STPG2: variants seen among roughly 807,000 people sequenced by gnomAD.
The protein encoded by STPG2 is sperm-tail PG-rich repeat-containing protein 2.
A neutral mutation model predicts 54.2 loss-of-function variants in STPG2; 56 were observed. That is an observed-to-expected ratio of 1.03 (90% CI 0.83 to 1.29). The LOEUF (loss-of-function observed/expected upper bound fraction) is 1.29, where lower values mean the gene tolerates loss of function less well. Among genes scored for constraint, STPG2 ranks in the 50% most tolerant of loss-of-function variants. The probability of loss-of-function intolerance (pLI) is 0.00; values close to 1 mark genes in which losing one functional copy is unlikely to be tolerated. For missense variants in STPG2, 596 were observed against 544.9 expected (o/e 1.09, Z -0.93); for synonymous variants, 200 against 181.8 (o/e 1.10, Z -0.81).
chr4:97,622,589 AC>A (rs1166476220), intron 10 of STPG2, among the ~76,000 whole-genome samples: 1 of 152,172 alleles, frequency 6.6e-6, no homozygotes, highest in African/African-American at 2.4e-5. Flanking sequence ...AACAAGAATT[AC>A]AAAACACTGC....
chr4:97,454,499 G>A (rs1233509679), intron 4 of STPG2, among the ~76,000 whole-genome samples: 7 of 121,302 alleles, frequency 5.8e-5, no homozygotes, highest in Non-Finnish European at 3.3e-5. Context: ...CGGCCTGGGC[G>A]ACAGAGCGAG....
At chr4:98,085,514 CCATAAA>C (rs1738478776) in intron 5 of STPG2, among the ~76,000 whole-genome samples, 1 of 152,064 alleles carries the variant, frequency 6.6e-6, no homozygotes, top group South Asian at 2.1e-4. Flanking sequence ...ATCTTTCAAT[CCATAAA>C]CATATGGCAT....
chr4:97,561,777 TA>T (rs1732255187), intron 10 of STPG2, among the ~76,000 whole-genome samples: 1 of 152,208 alleles, frequency 6.6e-6, no homozygotes, highest in Non-Finnish European at 1.5e-5. Context: ...TTCTGGGGGC[TA>T]AGTTCTGTTC....
At chr4:97,807,443 C>T (rs555448790) in intron 9 of STPG2, among the ~76,000 whole-genome samples, 41 of 151,948 alleles carry the variant, frequency 2.7e-4, no homozygotes, top group South Asian at 1.9e-3. Context: ...ACAACAGATT[C>T]CCAGTTGAAC....
chr4:97,861,904 A>C (rs1260239779), intron 8 of STPG2, among the ~76,000 whole-genome samples: 1 of 152,098 alleles, frequency 6.6e-6, no homozygotes, highest in Non-Finnish European at 1.5e-5. Flanking sequence ...GCCTGCCCTA[A>C]AAGAGCTCCT....
chr4:97,508,166 A>G (rs1730892963), intron 4 of STPG2, among the ~76,000 whole-genome samples: 1 of 152,102 alleles, frequency 6.6e-6, no homozygotes, highest in Admixed American at 6.6e-5. Flanking sequence ...TTATTATGCC[A>G]TAGTAACCAA....
chr4:97,578,392 C>T (rs1259194448), intron 10 of STPG2, among the ~76,000 whole-genome samples: 1 of 152,060 alleles, frequency 6.6e-6, no homozygotes, highest in African/African-American at 2.4e-5. Context: ...ATGTAGCCAA[C>T]TGAGACAGAA....
At chr4:97,716,270 C>T (rs1301747248) in intron 9 of STPG2, among the ~76,000 whole-genome samples, 2 of 152,040 alleles carry the variant, frequency 1.3e-5, no homozygotes, top group African/African-American at 4.8e-5. Context: ...TTAGTTCAAC[C>T]ATTGTGGAAG....
At chr4:97,878,072 C>T (rs1400290164) in intron 8 of STPG2, among the ~76,000 whole-genome samples, 1 of 152,184 alleles carries the variant, frequency 6.6e-6, no homozygotes, top group Admixed American at 6.5e-5. Context: ...AAAATGATCT[C>T]CTTTGACTCC....
At chr4:97,693,439 C>T (rs893687145) in intron 10 of STPG2, among the ~76,000 whole-genome samples, 20 of 152,064 alleles carry the variant, frequency 1.3e-4, no homozygotes, top group African/African-American at 2.2e-4. Context: ...AAAAGACATA[C>T]GGAAATTGTA....
chr4:97,903,374 T>C (rs1351339811), intron 8 of STPG2, among the ~76,000 whole-genome samples: 5 of 151,874 alleles, frequency 3.3e-5, no homozygotes, highest in African/African-American at 9.7e-5. Flanking sequence ...TCAATTACAC[T>C]TCATTATAGC....
intron 7 of STPG2, among the ~76,000 whole-genome samples, chr4:97,950,410 G>T (rs914114652): frequency 6.6e-6 from 1 of 151,938 alleles, no homozygotes; most frequent in Non-Finnish European, 1.5e-5. Context: ...ACCACATTTT[G>T]TAATTCCCTA....
Position 97,694,812 on chromosome 4 carries a change from C to CAAA in STPG2, c.1320+17884_1320+17886dup, listed in dbSNP as rs70953083. On this transcript the variant is annotated intron_variant, in intron 10 of 10. Transcript: ENST00000295268. ...TGGGTTACAGAGCAAGACTCTGTCACAAAAAAAAAAAAAAAAAAAAAAAAA... is the reference window on the plus strand; with the variant it reads ...TGGGTTACAGAGCAAGACTCTGTCACAAAAAAAAAAAAAAAAAAAAAAAAAAAA... Among the ~76,000 whole-genome samples the CAAA allele has an allele frequency of 1.1e-4, 5 of 44,044 alleles. 1 individual carries two copies. Among genetic ancestry groups the CAAA allele is most frequent in the Non-Finnish European group, 2.1e-4 (5 of 23,456 alleles). The allele number at this position is 44,044 out of a possible 152,430, so 28.9% of individuals were successfully genotyped here.
At chr4:97,857,479 T>A (rs2149136810) in intron 8 of STPG2, among the ~76,000 whole-genome samples, 1 of 152,322 alleles carries the variant, frequency 6.6e-6, no homozygotes. Context: ...AATGATTGTT[T>A]ATATTTTGTG....
chr4:97,529,624 G>A (rs915097095), intron 4 of STPG2, among the ~76,000 whole-genome samples: 1 of 152,242 alleles, frequency 6.6e-6, no homozygotes, highest in East Asian at 1.9e-4. Context: ...GGCTTTTCTG[G>A]TTGGTAGGCT....
chr4:98,049,618 C>A (rs1329076089), intron 5 of STPG2, among the ~76,000 whole-genome samples: 1 of 152,086 alleles, frequency 6.6e-6, no homozygotes, highest in Non-Finnish European at 1.5e-5. Context: ...TTTTGAAAAG[C>A]AATAAATTTT....
At chr4:97,864,601 T>C (rs1001709785) in intron 8 of STPG2, among the ~76,000 whole-genome samples, 2 of 151,836 alleles carry the variant, frequency 1.3e-5, no homozygotes, top group African/African-American at 2.4e-5. Context: ...CTTTAAAGTT[T>C]ATATGGAATC....
rs183612733 is a variant in STPG2 at position 97,930,190 on chromosome 4, C to T, written c.1044+13707G>A. Among the ~76,000 whole-genome samples the T allele has an allele frequency of 2.0e-4, 31 of 152,296 alleles. No individual in the cohort carries two copies. In the East Asian group the frequency reaches 5.0e-3, roughly 25 times the overall value. ...GGGATTACAGGCATGAGCCACCATG[C>T]CCAGCCCAATTTTTACTTTTGTTGC... On this transcript the variant is annotated intron_variant, in intron 8 of 10. Transcript: ENST00000295268.
rs868424774 is a variant in STPG2, at chr4:97,780,751, C to T, written c.1204+60022G>A. On this transcript the variant is annotated intron_variant, in intron 9 of 10. Coordinates refer to ENST00000295268, the MANE Select transcript of STPG2 (RefSeq NM_174952.3). ...ACTGTCTCTCAGACCACAGTGCAATCAAACTAGAACTCAGGATTAAGAAAC... is the reference window on the plus strand; with the variant it reads ...ACTGTCTCTCAGACCACAGTGCAATTAAACTAGAACTCAGGATTAAGAAAC... Among the ~76,000 whole-genome samples the T allele has an allele frequency of 7.6e-3, 1,160 of 151,888 alleles. 34 individuals carry two copies. Among genetic ancestry groups the T allele is most frequent in the Middle Eastern group, 0.058 (17 of 294 alleles).
Sources: allele counts gnomAD v4.1 joint callset (sites outside exome capture counted in the v4.1 genomes callset), GRCh38; gene constraint gnomAD v4.1.1; transcripts MANE v1.5; gene names NCBI Gene and HGNC (gene_info 2026-07-23, HGNC 2026-07-21).